Variants in DEPTOR observed in about 807,000 individuals in gnomAD.
The protein encoded by DEPTOR is DEP domain containing MTOR interacting protein.
In DEPTOR, 41 loss-of-function variants were observed where a neutral mutation model predicts 41.6. The observed-to-expected ratio is 0.98, with a 90% CI of 0.77 to 1.28. DEPTOR has a LOEUF of 1.28. Ranked by LOEUF, DEPTOR falls within the 50% of genes most tolerant of loss-of-function variation. The probability of loss-of-function intolerance (pLI) is 0.00; values close to 1 mark genes in which losing one functional copy is unlikely to be tolerated. For missense variants in DEPTOR, 514 were observed against 527.9 expected, an observed-to-expected ratio of 0.97 and a Z score of 0.26; for synonymous variants, 195 against 192.3, an observed-to-expected ratio of 1.01 and a Z score of -0.12.
At chr8:119,940,309 T>G (rs1442495016) in intron 3 of DEPTOR, among the ~76,000 whole-genome samples, 1 of 152,008 alleles carries the variant, frequency 6.6e-6, no homozygotes, top group African/African-American at 2.4e-5. Context: ...AAAAGCAGGA[T>G]CTTGAAGAGA....
rs1340301850 is a variant in DEPTOR, at chr8:119,898,003, A to G, written c.122+24035A>G. ...AATGAAGATGTACAAATATTCATAC[A>G]TCATTTTAAATGTAGAGATGTTTAA... On this transcript the variant is annotated intron_variant, in intron 1 of 8. Coordinates refer to ENST00000286234, the MANE Select transcript of DEPTOR (RefSeq NM_022783.4). Among the ~76,000 whole-genome samples the G allele has an allele frequency of 2.6e-5, 4 of 152,238 alleles. No homozygotes were observed. In the East Asian group the frequency reaches 7.7e-4, roughly 29 times the overall value.
intron 4 of DEPTOR, among the ~76,000 whole-genome samples, chr8:119,993,793 A>T (rs1410751894): frequency 6.6e-6 from 1 of 151,938 alleles, no homozygotes; most frequent in Non-Finnish European, 1.5e-5. Context: ...TGTTTAACAA[A>T]AAGTAAGTTG....
At chr8:120,022,048 C>A (rs1812725148) in intron 8 of DEPTOR, among the ~76,000 whole-genome samples, 1 of 150,946 alleles carries the variant, frequency 6.6e-6, no homozygotes, top group African/African-American at 2.4e-5. Context: ...GTCCCAGCTA[C>A]CTGGGAGGCT....
chr8:120,048,549 T>G (rs1218203740), intron 8 of DEPTOR, among the ~76,000 whole-genome samples: 2 of 152,188 alleles, frequency 1.3e-5, no homozygotes, highest in Admixed American at 6.5e-5. Flanking sequence ...TGTGATCTTA[T>G]GTGGAGAAAA....
intron 4 of DEPTOR, among the ~76,000 whole-genome samples, chr8:119,976,313 A>T (rs1828696097): frequency 6.6e-6 from 1 of 152,170 alleles, no homozygotes; most frequent in Non-Finnish European, 1.5e-5. Context: ...TTTTAAGGAT[A>T]GAGAAGTTGT....
intron 1 of DEPTOR, among the ~76,000 whole-genome samples, chr8:119,880,616 T>C (rs1827286734): frequency 6.6e-6 from 1 of 152,234 alleles, no homozygotes; most frequent in Admixed American, 6.5e-5. Flanking sequence ...CAAGTAGCTT[T>C]TCCATTCTGT....
intron 1 of DEPTOR, among the ~76,000 whole-genome samples, chr8:119,899,504 G>C (rs915750111): frequency 6.6e-6 from 1 of 152,180 alleles, no homozygotes; most frequent in African/African-American, 2.4e-5. Context: ...ATCTGTGCAA[G>C]AATCTATGTG....
intron 8 of DEPTOR, among the ~76,000 whole-genome samples, chr8:120,028,928 T>C (rs993612303): frequency 7.9e-5 from 12 of 151,726 alleles, no homozygotes; most frequent in African/African-American, 2.7e-4. Flanking sequence ...CTACTAAAAA[T>C]ACAAAAACTA....
At chr8:120,043,369 T>G (rs531475812) in intron 8 of DEPTOR, among the ~76,000 whole-genome samples, 1 of 152,198 alleles carries the variant, frequency 6.6e-6, no homozygotes, top group African/African-American at 2.4e-5. Flanking sequence ...AGGAAAAAGT[T>G]TGAAATAAGT....
intron 4 of DEPTOR, among the ~76,000 whole-genome samples, chr8:119,986,815 G>A (rs1420419254): frequency 1.3e-5 from 2 of 151,250 alleles, no homozygotes; most frequent in East Asian, 2.0e-4. Flanking sequence ...CTGCTTGATC[G>A]ATTCAGCTAT....
At chr8:119,885,509 G>A (rs977940815) in intron 1 of DEPTOR, among the ~76,000 whole-genome samples, 2 of 152,114 alleles carry the variant, frequency 1.3e-5, no homozygotes, top group East Asian at 3.8e-4. Context: ...AATTCTAACG[G>A]TAGAAACAAA....
intron 8 of DEPTOR, among the ~76,000 whole-genome samples, chr8:120,015,981 C>T (rs67282053): frequency 0.29 from 44,464 of 151,994 alleles, 6,736 homozygotes; most frequent in South Asian, 0.45. Flanking sequence ...GCCAGGGAAT[C>T]GCCATGTTTG....
Position 119,891,574 on chromosome 8 carries a change from C to A in DEPTOR, c.122+17606C>A, listed in dbSNP as rs562910078. ...GGTGTAAACCTCCTCACCGTGAGGA[C>A]GGCCTGTTCATCATGCTCACTCCTT... On this transcript the variant is annotated intron_variant, in intron 1 of 8. Transcript: ENST00000286234. 3.3e-5 allele frequency among the ~76,000 whole-genome samples: 5 copies of A among 152,148 alleles called. No homozygotes were observed. The South Asian group carries it at 1.0e-3, about 32-fold the overall frequency.
At chr8:119,960,733 C>T (rs1270608101) in intron 3 of DEPTOR, among the ~76,000 whole-genome samples, 1 of 152,170 alleles carries the variant, frequency 6.6e-6, no homozygotes, top group African/African-American at 2.4e-5. Context: ...AAGTGGCTCC[C>T]AGCACGTTGG....
chr8:119,891,919 C>A (rs1053859821), intron 1 of DEPTOR, among the ~76,000 whole-genome samples: 1 of 152,182 alleles, frequency 6.6e-6, no homozygotes, highest in African/African-American at 2.4e-5. Context: ...GAGTAAAGGT[C>A]TTTCAGGTCA....
chr8:120,031,992 G>C (rs966545229), intron 8 of DEPTOR, among the ~76,000 whole-genome samples: 1 of 152,160 alleles, frequency 6.6e-6, no homozygotes, highest in African/African-American at 2.4e-5. Flanking sequence ...TTGGGATGAA[G>C]AGCTGGACAC....
chr8:120,049,304 G>A (rs1031790711), intron 8 of DEPTOR, among the ~76,000 whole-genome samples: 2 of 151,762 alleles, frequency 1.3e-5, no homozygotes, highest in African/African-American at 4.8e-5. Context: ...TACCTAGCTA[G>A]TATTTAAATA....
intron 1 of DEPTOR, among the ~76,000 whole-genome samples, chr8:119,895,893 A>T (rs182006413): frequency 4.6e-5 from 7 of 152,248 alleles, no homozygotes; most frequent in African/African-American, 1.7e-4. Context: ...AGGACTTTAA[A>T]CTTTACCTTA....
rs1451356605 is a variant in DEPTOR, at chr8:120,050,314, A to G, written c.*610A>G. 3 of 67,236 alleles carry G rather than the reference A, an allele frequency of 4.5e-5. No individual in the cohort carries two copies. Among genetic ancestry groups the G allele is most frequent in the Admixed American group, 1.2e-4 (1 of 8,084 alleles). The allele number at this position is 67,236 out of a possible 1,614,324, so 4.2% of individuals were successfully genotyped here. A position where few individuals can be genotyped will look rare whatever the true frequency, so the allele number is the denominator to read the frequency against. ...TACAGGTTTCAATTGTGGCATTAGG[A>G]AAAAAAAAAACCTTGTGATGCTATG... On this transcript the variant is annotated 3_prime_UTR_variant, in exon 9 of 9. Coordinates refer to ENST00000286234, the MANE Select transcript of DEPTOR (RefSeq NM_022783.4).
Sources: gnomAD v4.1 joint callset for allele counts (sites outside exome capture counted in the v4.1 genomes callset) on GRCh38, gnomAD v4.1.1 for gene constraint, MANE v1.5 for transcripts, NCBI Gene and HGNC (gene_info 2026-07-23, HGNC 2026-07-21) for gene names.